Variants in GRIN2B observed in about 807,000 individuals in gnomAD.
The protein encoded by GRIN2B is glutamate ionotropic receptor NMDA type subunit 2B.
GRIN2B carries 5 observed loss-of-function variants against 114.5 expected under a neutral mutation model. That is an observed-to-expected ratio of 0.04 (90% CI 0.02 to 0.09). The LOEUF is 0.09. Ranked by LOEUF, GRIN2B falls within the 10% of genes least tolerant of loss-of-function variation. GRIN2B has a pLI of 1.00. For synonymous variants in GRIN2B, 787 were observed against 745.1 expected, an observed-to-expected ratio of 1.06 and a Z score of -0.92; for missense variants, 1,108 against 1,943.5, an observed-to-expected ratio of 0.57 and a Z score of 8.08.
chr12:13,644,570 G>A (rs1350517193), intron 5 of GRIN2B, among the ~76,000 whole-genome samples: 2 of 150,486 alleles, frequency 1.3e-5, no homozygotes, highest in Admixed American at 6.6e-5. Context: ...TGTCTTTAAA[G>A]CTTTAAAGCC....
At chr12:13,704,793 C>T (rs1029463720) in intron 4 of GRIN2B, among the ~76,000 whole-genome samples, 5 of 152,138 alleles carry the variant, frequency 3.3e-5, no homozygotes, top group African/African-American at 1.2e-4. Flanking sequence ...AAGTCCTTTG[C>T]CTGAGGCATT....
In GRIN2B at chr12:13,854,133, G is replaced by C. The variant is rs1012999509; in HGVS notation, c.411+11665C>G. Among the ~76,000 whole-genome samples, 5 of 152,320 alleles carry C rather than the reference G, an allele frequency of 3.3e-5. No individual in the cohort carries two copies. The South Asian group carries it at 6.2e-4, about 19-fold the overall frequency. ...ATGAGGACCTTGGGTGAGGAGTACA[G>C]CCCTAGAGGAGATGTACCACTTGGG... On this transcript the variant is annotated intron_variant, in intron 3 of 13. Coordinates refer to ENST00000609686, the MANE Select transcript of GRIN2B (RefSeq NM_000834.5).
intron 3 of GRIN2B, among the ~76,000 whole-genome samples, chr12:13,789,151 T>C (rs865869758): frequency 2.0e-4 from 31 of 152,216 alleles, no homozygotes; most frequent in Non-Finnish European, 4.3e-4. Context: ...TCATGTTTTA[T>C]CCATAGACTT....
At chr12:13,758,998 A>AGTTTTTTTTTTTTTTTTTTTTTTTTTTT (rs771891565) in intron 3 of GRIN2B, among the ~76,000 whole-genome samples, 1 of 85,600 alleles carries the variant, frequency 1.2e-5, no homozygotes. Context: ...ATCTAGTTCA[A>AGTTTTTTTTTTTTTTTTTTTTTTTTTTT]TTTTTTTTTT....
intron 4 of GRIN2B, among the ~76,000 whole-genome samples, chr12:13,706,335 C>T (rs778889744): frequency 2.6e-5 from 4 of 152,118 alleles, no homozygotes; most frequent in Admixed American, 6.6e-5. Context: ...TGATCATATT[C>T]TAACTCTGTT....
intron 2 of GRIN2B, among the ~76,000 whole-genome samples, chr12:13,921,620 G>A (rs1169686049): frequency 6.6e-6 from 1 of 152,016 alleles, no homozygotes; most frequent in African/African-American, 2.4e-5. Context: ...CCCTAAGAAG[G>A]GATTTCAGAT....
Position 13,924,184 on chromosome 12 carries a change from G to A in GRIN2B, c.-19+55744C>T, listed in dbSNP as rs140083633. Among the ~76,000 whole-genome samples the A allele has an allele frequency of 8.5e-3, 1,299 of 152,256 alleles. 22 individuals carry two copies. Among genetic ancestry groups the A allele is most frequent in the African/African-American group, 0.03 (1,232 of 41,540 alleles). The stretch of plus-strand genomic sequence containing the variant: ...ACACTGCACACAGCATGTAAAAGCG[G>A]TACACAGTAATAGGTATATTGTATA... On this transcript the variant is annotated intron_variant, in intron 2 of 13. Transcript: ENST00000609686.
At chr12:13,631,467 C>T (rs1009102131) in intron 5 of GRIN2B, among the ~76,000 whole-genome samples, 1 of 152,100 alleles carries the variant, frequency 6.6e-6, no homozygotes, top group Non-Finnish European at 1.5e-5. Context: ...TTGAAACTAG[C>T]TACTCCCTGG....
intron 5 of GRIN2B, among the ~76,000 whole-genome samples, chr12:13,663,842 T>C (rs773990665): frequency 1.3e-5 from 2 of 152,234 alleles, no homozygotes; most frequent in East Asian, 1.9e-4. Flanking sequence ...ATTTCATTTG[T>C]ATTATCATTG....
intron 2 of GRIN2B, among the ~76,000 whole-genome samples, chr12:13,873,581 C>T (rs550412017): frequency 7.0e-4 from 107 of 152,238 alleles, no homozygotes; most frequent in Non-Finnish European, 1.3e-3. Flanking sequence ...TACCATCATC[C>T]GTTACTCTTT....
At chr12:13,889,870 T>C (rs1377134015) in intron 2 of GRIN2B, among the ~76,000 whole-genome samples, 1 of 152,238 alleles carries the variant, frequency 6.6e-6, no homozygotes, top group East Asian at 1.9e-4. Context: ...TACAGAGATG[T>C]ACAATCAGGG....
In GRIN2B at chr12:13,753,794, C is replaced by T; in HGVS notation, c.533G>A (p.Gly178Asp). The T allele has an allele frequency of 1.2e-6, 2 of 1,613,626 alleles. No homozygotes were observed. Among genetic ancestry groups the T allele is most frequent in the Non-Finnish European group, 8.5e-7 (1 of 1,179,688 alleles). Residue 178 changes from glycine to aspartate, a missense_variant, in exon 4 of 14, where the codon GGC (glycine) becomes GAC (aspartate). Coordinates refer to ENST00000609686, the MANE Select transcript of GRIN2B (RefSeq NM_000834.5). The surrounding 1 kb of genome is among the most constrained non-coding windows in gnomAD (Gnocchi z 6.2). ...GATCTTGTTTACAAAGTCCTGGTAG[C>T]CAGGGAAATAGGTGGTGACGATAGA... ...IFSIVTTYFP[G>D]YQDFVNKIRS...
At chr12:13,802,226 A>C (rs1864528967) in intron 3 of GRIN2B, among the ~76,000 whole-genome samples, 2 of 152,138 alleles carry the variant, frequency 1.3e-5, no homozygotes, top group African/African-American at 4.8e-5. Context: ...CAAAGGCAAA[A>C]TTAAAATCAA....
intron 2 of GRIN2B, among the ~76,000 whole-genome samples, chr12:13,953,225 G>A (rs1004992230): frequency 1.2e-4 from 19 of 152,128 alleles, no homozygotes; most frequent in Admixed American, 1.2e-3. Context: ...GAACCAGATA[G>A]ACGCTGCATG....
chr12:13,892,378 C>T (rs533792845), intron 2 of GRIN2B, among the ~76,000 whole-genome samples: 18 of 152,276 alleles, frequency 1.2e-4, no homozygotes, highest in Admixed American at 4.6e-4. Context: ...AGTCTTGGTC[C>T]TTTTATAAAG....
intron 13 of GRIN2B, among the ~76,000 whole-genome samples, chr12:13,565,342 A>C (rs1387033460): frequency 6.6e-6 from 1 of 152,218 alleles, no homozygotes; most frequent in Admixed American, 6.5e-5. Flanking sequence ...AGCCAGTACT[A>C]AATAGGAATA....
chr12:13,947,699 G>A (rs1867386776), intron 2 of GRIN2B, among the ~76,000 whole-genome samples: 1 of 152,146 alleles, frequency 6.6e-6, no homozygotes, highest in Admixed American at 6.5e-5. Flanking sequence ...AAAAGTGGCT[G>A]TTGATCTGAT....
intron 13 of GRIN2B, among the ~76,000 whole-genome samples, chr12:13,565,345 T>A (rs886064039): frequency 1.3e-5 from 2 of 152,218 alleles, no homozygotes; most frequent in Non-Finnish European, 2.9e-5. Flanking sequence ...CAGTACTAAA[T>A]AGGAATAAAT....
At chr12:13,579,264 G>A (rs1363273924) in intron 10 of GRIN2B, among the ~76,000 whole-genome samples, 1 of 152,266 alleles carries the variant, frequency 6.6e-6, no homozygotes, top group East Asian at 1.9e-4. Context: ...AGCAGGGCCT[G>A]GATCACAAAG....
Sources: allele counts gnomAD v4.1 joint callset (sites outside exome capture counted in the v4.1 genomes callset), GRCh38; gene constraint gnomAD v4.1.1; non-coding constraint Gnocchi (gnomAD v3.1); transcripts MANE v1.5; gene names NCBI Gene and HGNC (gene_info 2026-07-23, HGNC 2026-07-21).